The following MSH3 variants were observed in gnomAD, a reference collection of about 807,000 sequenced individuals.
MSH3 encodes the protein mutS homolog 3.
A neutral mutation model predicts 123.3 loss-of-function variants in MSH3; 106 were observed. That is an observed-to-expected ratio of 0.86 (90% CI 0.73 to 1.01). MSH3 has a LOEUF of 1.01. Ranked by LOEUF, MSH3 falls within the 50% of genes least tolerant of loss-of-function variation. The probability of loss-of-function intolerance (pLI) is 0.00; values close to 1 mark genes in which losing one functional copy is unlikely to be tolerated. For missense variants in MSH3, 1,459 were observed against 1,347.6 expected, an observed-to-expected ratio of 1.08 and a Z score of -1.29; for synonymous variants, 515 against 481.4, an observed-to-expected ratio of 1.07 and a Z score of -0.91.
intron 16 of MSH3, 54 bp downstream of exon 16, chr5:80,775,812 T>G: frequency 1.1e-6 from 1 of 940,244 alleles, no homozygotes; most frequent in Non-Finnish European, 1.8e-6. Context: ...CATCTGTATA[T>G]CTATGTGCTA....
At chr5:80,772,848 T>G (rs1270396627) in intron 15 of MSH3, among the ~76,000 whole-genome samples, 1 of 152,142 alleles carries the variant, frequency 6.6e-6, no homozygotes, top group African/African-American at 2.4e-5. Context: ...CTCTGAGGAT[T>G]GCTGAGTGAG....
At chr5:80,842,658 CT>C (rs1231743708) in intron 20 of MSH3, among the ~76,000 whole-genome samples, 1 of 152,032 alleles carries the variant, frequency 6.6e-6, no homozygotes, top group African/African-American at 2.4e-5. Flanking sequence ...GTATTTTATT[CT>C]CTTTGTAGTA....
intron 8 of MSH3, among the ~76,000 whole-genome samples, chr5:80,704,563 G>T (rs1750678318): frequency 1.3e-5 from 2 of 152,172 alleles, no homozygotes; most frequent in Admixed American, 6.5e-5. Context: ...TCTCTCTGGA[G>T]TGATTATGGT....
chr5:80,807,190 C>CAAAAA (rs34405208), intron 19 of MSH3, among the ~76,000 whole-genome samples: 2 of 91,440 alleles, frequency 2.2e-5, no homozygotes, highest in Non-Finnish European at 4.1e-5. Flanking sequence ...TACCCTGTCT[C>CAAAAA]AAAAAAAAAA....
chr5:80,739,865 C>T (rs1409363601), intron 10 of MSH3, among the ~76,000 whole-genome samples: 2 of 152,100 alleles, frequency 1.3e-5, no homozygotes, highest in East Asian at 1.9e-4. Context: ...ACTGGTTTTT[C>T]GGGCTCTGAT....
intron 8 of MSH3, among the ~76,000 whole-genome samples, chr5:80,701,720 C>G (rs1461627893): frequency 1.3e-5 from 2 of 150,946 alleles, no homozygotes; most frequent in Non-Finnish European, 3.0e-5. Flanking sequence ...TGGACTCCTT[C>G]TTGTCCATTT....
intron 20 of MSH3, among the ~76,000 whole-genome samples, chr5:80,850,668 T>C (rs245354): frequency 0.86 from 131,220 of 152,168 alleles, 56,663 homozygotes; most frequent in East Asian, 1. Flanking sequence ...CAGTCATCTC[T>C]CACCAGGTCC....
intron 19 of MSH3, among the ~76,000 whole-genome samples, chr5:80,811,252 C>G (rs1283640462): frequency 6.6e-6 from 1 of 151,896 alleles, no homozygotes; most frequent in Non-Finnish European, 1.5e-5. Flanking sequence ...GCCCTTATAC[C>G]TTTTATTTTT....
chr5:80,654,999 G>T (rs1326787009), intron 1 of MSH3, 35 bp downstream of exon 1: 4 of 1,287,802 alleles, frequency 3.1e-6, no homozygotes, highest in East Asian at 3.0e-5. Flanking sequence ...GGGCCATCGG[G>T]GCTGGGGGGG....
intron 8 of MSH3, among the ~76,000 whole-genome samples, chr5:80,692,387 A>G (rs371567131): frequency 0.017 from 318 of 18,180 alleles, 1 homozygote; most frequent in Non-Finnish European, 0.02. Context: ...TAGATAGATA[A>G]ACATGTATAT....
At chr5:80,777,001 G>A (rs989877214) in intron 16 of MSH3, among the ~76,000 whole-genome samples, 6 of 148,084 alleles carry the variant, frequency 4.1e-5, no homozygotes, top group Non-Finnish European at 8.9e-5. Context: ...GCGCAATCCC[G>A]GTCTACTGCA....
rs535311755 is a variant in MSH3, at chr5:80,876,516, C to G, written c.*654C>G. On this transcript the variant is annotated 3_prime_UTR_variant, in exon 24 of 24. Transcript: ENST00000265081. ...TGGTGGCGCACACCTGTAGTCCCAG[C>G]TACTCCGGAGGCTGAGGCAGGAGAA... 1 of 153,478 alleles carries G rather than the reference C, an allele frequency of 6.5e-6. No individual in the cohort carries two copies. The highest frequency in any genetic ancestry group is 2.4e-5 in the African/African-American group (1 of 41,482). The allele number at this position is 153,478 out of a possible 1,614,324, so 9.5% of individuals were successfully genotyped here.
chr5:80,765,286 T>A (rs1006870969), intron 13 of MSH3, among the ~76,000 whole-genome samples: 5 of 152,140 alleles, frequency 3.3e-5, no homozygotes, highest in African/African-American at 4.8e-5. Flanking sequence ...ATTGAAAATG[T>A]TTGTGTTTGT....
intron 11 of MSH3, among the ~76,000 whole-genome samples, chr5:80,743,843 CA>C (rs770547257): frequency 0.017 from 59 of 3,544 alleles, no homozygotes; most frequent in African/African-American, 0.048. Flanking sequence ...GACTCCGTCT[CA>C]AAAAAAAAAA....
chr5:80,773,417 G>A (rs1341866281), intron 15 of MSH3, among the ~76,000 whole-genome samples: 2 of 152,194 alleles, frequency 1.3e-5, no homozygotes, highest in East Asian at 1.9e-4. Context: ...TTAAGTGGGT[G>A]TGGCAGATTT....
chr5:80,673,228 C>T (rs1749761352), intron 6 of MSH3, among the ~76,000 whole-genome samples: 1 of 152,108 alleles, frequency 6.6e-6, no homozygotes, highest in Admixed American at 6.5e-5. Context: ...AAAGTGAGAC[C>T]TAAAAAGTAA....
rs192743587 is a variant in MSH3 at position 80,693,722 on chromosome 5, A to G, written c.1340+14629A>G. Among the ~76,000 whole-genome samples, 229 of 152,100 alleles carry G rather than the reference A, an allele frequency of 1.5e-3. 1 individual carries two copies. The highest frequency in any genetic ancestry group is 5.1e-3 in the African/African-American group (213 of 41,496). On this transcript the variant is annotated intron_variant, in intron 8 of 23. Transcript: ENST00000265081. ...ACCCAGGCTGGAGTGCAGTAGCACA[A>G]TCTTGGCCCACTGCAACCTCCATCT... is the stretch of plus-strand genomic sequence containing the variant.
chr5:80,687,490 A>G (rs961080165), intron 8 of MSH3, among the ~76,000 whole-genome samples: 3 of 152,202 alleles, frequency 2.0e-5, no homozygotes, highest in Admixed American at 2.0e-4. Flanking sequence ...CTTCCTGAGC[A>G]CTGGCATAGC....
rs779346486 is a variant in MSH3 at position 80,875,775 on chromosome 5, G to A, written c.3327G>A (p.Lys1109=). Residue 1109 remains lysine, a synonymous_variant, in exon 24 of 24, where the codon AAG becomes AAA. Coordinates refer to ENST00000265081, the MANE Select transcript of MSH3 (RefSeq NM_002439.5). ...TKRKRLKYFA[K]LWTMHNAQDL... The stretch of plus-strand genomic sequence containing the variant: ...GAAAGAGACTCAAGTATTTTGCAAA[G>A]TTATGGACGATGCATAATGCACAAG... The A allele has an allele frequency of 6.2e-7, 1 of 1,613,590 alleles. No individual in the cohort carries two copies. Among genetic ancestry groups the A allele is most frequent in the South Asian group, 1.1e-5 (1 of 91,066 alleles).
Sources: gnomAD v4.1 joint callset for allele counts (sites outside exome capture counted in the v4.1 genomes callset) on GRCh38, gnomAD v4.1.1 for gene constraint, MANE v1.5 for transcripts, NCBI Gene and HGNC (gene_info 2026-07-23, HGNC 2026-07-21) for gene names.